The following RAI14 variants were observed in gnomAD, a reference collection of about 807,000 sequenced individuals.
RAI14 encodes ankycorbin.
RAI14 carries 45 observed loss-of-function variants against 115.4 expected under a neutral mutation model. That is an observed-to-expected ratio of 0.39 (90% CI 0.31 to 0.50). RAI14 has a LOEUF of 0.50. RAI14 is among the 20% of genes least tolerant of loss of function. The pLI is 0.85. For missense variants in RAI14, 939 were observed against 1,131.2 expected, an observed-to-expected ratio of 0.83 and a Z score of 2.44; for synonymous variants, 371 against 415.4, an observed-to-expected ratio of 0.89 and a Z score of 1.30.
At chr5:34,660,048 T>G (rs1049521845) in intron 1 of RAI14, among the ~76,000 whole-genome samples, 33 of 152,072 alleles carry the variant, frequency 2.2e-4, no homozygotes, top group African/African-American at 7.7e-4. Flanking sequence ...TGTGGTGGTG[T>G]GCCTGTGGTC....
chr5:34,809,179 G>A (rs1291063263), intron 7 of RAI14, among the ~76,000 whole-genome samples: 1 of 152,108 alleles, frequency 6.6e-6, no homozygotes, highest in African/African-American at 2.4e-5. Context: ...GTGGCGTTTG[G>A]GGATACAGCA....
chr5:34,727,600 T>G (rs1743631546), intron 2 of RAI14, among the ~76,000 whole-genome samples: 1 of 152,144 alleles, frequency 6.6e-6, no homozygotes, highest in Non-Finnish European at 1.5e-5. Flanking sequence ...GCCTAGGGAC[T>G]TGGTGTCCTG....
At chr5:34,757,322 G>A in intron 2 of RAI14, 146 bp from the exon 3 acceptor site, 1 of 907,842 alleles carries the variant, frequency 1.1e-6, no homozygotes. Flanking sequence ...ATGGTGAAGG[G>A]GAAGGTATTT....
chr5:34,780,793 A>G (rs538665424), intron 3 of RAI14, among the ~76,000 whole-genome samples: 68 of 152,346 alleles, frequency 4.5e-4, no homozygotes, highest in African/African-American at 1.5e-3. Context: ...TAGTTCAACC[A>G]TTGTGGAAGA....
intron 16 of RAI14, among the ~76,000 whole-genome samples, chr5:34,828,622 G>A: frequency 6.6e-6 from 1 of 152,160 alleles, no homozygotes; most frequent in East Asian, 1.9e-4. Context: ...ATGGACTTTT[G>A]TACATTTTTG....
chr5:34,734,932 T>C (rs1423531127), intron 2 of RAI14, among the ~76,000 whole-genome samples: 2 of 152,210 alleles, frequency 1.3e-5, no homozygotes, highest in Non-Finnish European at 1.5e-5. Context: ...ATGCTGGGAT[T>C]ACAGGTGTGA....
intron 3 of RAI14, among the ~76,000 whole-genome samples, chr5:34,795,585 A>C (rs1465561148): frequency 1.3e-4 from 20 of 152,336 alleles, no homozygotes; most frequent in Non-Finnish European, 7.3e-5. Flanking sequence ...AACATTGATA[A>C]AGACATATTA....
intron 2 of RAI14, chr5:34,733,397 G>A (rs1402358820): frequency 6.6e-6 from 1 of 152,158 alleles, no homozygotes; most frequent in Non-Finnish European, 1.5e-5. Flanking sequence ...AGATGTAATT[G>A]ATTTATTGAA....
chr5:34,688,975 C>T (rs1309946952), intron 2 of RAI14, among the ~76,000 whole-genome samples: 3 of 152,094 alleles, frequency 2.0e-5, no homozygotes, highest in Non-Finnish European at 2.9e-5. Flanking sequence ...GAAACTAAGG[C>T]CTTAGGGACA....
intron 2 of RAI14, 33 bp downstream of exon 2, chr5:34,686,988 CCTT>C (rs748882833): frequency 8.7e-6 from 14 of 1,612,164 alleles, no homozygotes; most frequent in South Asian, 4.4e-5. Flanking sequence ...TCTGGCTGTT[CCTT>C]CTTCTCCATG....
chr5:34,781,755 A>G (rs957185855), intron 3 of RAI14, among the ~76,000 whole-genome samples: 2 of 152,210 alleles, frequency 1.3e-5, no homozygotes, highest in Non-Finnish European at 2.9e-5. Flanking sequence ...ACCCATTAGT[A>G]CTGAAAAATG....
intron 1 of RAI14, among the ~76,000 whole-genome samples, chr5:34,682,954 C>T (rs1744494768): frequency 6.6e-6 from 1 of 152,208 alleles, no homozygotes; most frequent in African/African-American, 2.4e-5. Flanking sequence ...TAGGTTGTAG[C>T]TCAGCCTGGG....
chr5:34,773,944 CAA>C (rs1352299792), intron 3 of RAI14, among the ~76,000 whole-genome samples: 1 of 152,078 alleles, frequency 6.6e-6, no homozygotes, highest in Non-Finnish European at 1.5e-5. Context: ...AGCAATCAGA[CAA>C]GAGAAAGAAA....
At chr5:34,778,304 G>A (rs575841194) in intron 3 of RAI14, among the ~76,000 whole-genome samples, 13 of 152,286 alleles carry the variant, frequency 8.5e-5, no homozygotes, top group Admixed American at 7.8e-4. Flanking sequence ...TGGTGCCTGA[G>A]AGTCTGCATT....
intron 3 of RAI14, among the ~76,000 whole-genome samples, chr5:34,774,779 A>G (rs978703437): frequency 6.6e-6 from 1 of 151,878 alleles, no homozygotes; most frequent in Non-Finnish European, 1.5e-5. Flanking sequence ...CCTAAAGTTC[A>G]TATGAACCCA....
chr5:34,696,524 G>T (rs931507708), intron 2 of RAI14, among the ~76,000 whole-genome samples: 13 of 152,226 alleles, frequency 8.5e-5, no homozygotes, highest in Non-Finnish European at 1.8e-4. Flanking sequence ...CAACCTAGCT[G>T]CAAGGAAGGC....
At chr5:34,744,349 T>G (rs373347586) in intron 2 of RAI14, among the ~76,000 whole-genome samples, 4 of 152,244 alleles carry the variant, frequency 2.6e-5, no homozygotes, top group East Asian at 3.8e-4. Flanking sequence ...AATAATCTTG[T>G]TTTAAATGCT....
chr5:34,761,628 T>A (rs1286684411), intron 3 of RAI14, among the ~76,000 whole-genome samples: 1 of 152,180 alleles, frequency 6.6e-6, no homozygotes, highest in African/African-American at 2.4e-5. Context: ...CTTCTGGAAG[T>A]GGAGCTGTCT....
intron 1 of RAI14, among the ~76,000 whole-genome samples, chr5:34,677,161 A>ATT (rs747450748): frequency 3.1e-4 from 26 of 83,134 alleles, no homozygotes; most frequent in East Asian, 1.1e-3. Flanking sequence ...TGACATTTCT[A>ATT]TTTTTTTTTT....
Sources: allele counts gnomAD v4.1 joint callset (sites outside exome capture counted in the v4.1 genomes callset), GRCh38; gene constraint gnomAD v4.1.1; transcripts MANE v1.5; gene names NCBI Gene and HGNC (gene_info 2026-07-23, HGNC 2026-07-21).